Variants in MAGI1 observed in about 807,000 individuals in gnomAD.
MAGI1 encodes the protein membrane associated guanylate kinase, WW and PDZ domain containing 1.
MAGI1 carries 58 observed loss-of-function variants against 139.9 expected under a neutral mutation model. The ratio of observed to expected loss-of-function variants is 0.41; its 90% CI spans 0.34 to 0.52. The LOEUF (loss-of-function observed/expected upper bound fraction) is 0.52, where lower values mean the gene tolerates loss of function less well. MAGI1 is among the 20% of genes least tolerant of loss of function. The pLI is 0.12. For synonymous variants in MAGI1, 812 were observed against 737.9 expected (o/e 1.10, Z -1.63); for missense variants, 1,874 against 1,901.6 (o/e 0.99, Z 0.27).
intron 1 of MAGI1, among the ~76,000 whole-genome samples, chr3:65,672,568 T>C (rs780561290): frequency 7.2e-5 from 11 of 152,118 alleles, no homozygotes; most frequent in African/African-American, 1.2e-4. Context: ...ACAATCTTCA[T>C]TGAAGAGGGG....
chr3:65,379,181 GAGTC>G (rs1332778018), intron 17 of MAGI1, 76 bp downstream of exon 17: 1 of 1,597,626 alleles, frequency 6.3e-7, no homozygotes, highest in African/African-American at 1.3e-5. Context: ...CGTGAGGTCT[GAGTC>G]AGCTTTCACT....
intron 1 of MAGI1, among the ~76,000 whole-genome samples, chr3:65,974,803 A>C (rs2065186449): frequency 6.6e-6 from 1 of 152,228 alleles, no homozygotes; most frequent in Non-Finnish European, 1.5e-5. Context: ...AAGGATGACT[A>C]GGACAGAAGG....
At chr3:65,806,136 C>A (rs2040839621) in intron 1 of MAGI1, among the ~76,000 whole-genome samples, 1 of 151,714 alleles carries the variant, frequency 6.6e-6, no homozygotes, top group African/African-American at 2.4e-5. Context: ...AAATTTTTTT[C>A]AAAAATATAG....
intron 5 of MAGI1, among the ~76,000 whole-genome samples, chr3:65,463,973 TC>T (rs1437061109): frequency 2.0e-5 from 3 of 152,186 alleles, no homozygotes; most frequent in African/African-American, 7.2e-5. Context: ...AGTGGTGATA[TC>T]CCCTTTATCA....
At chr3:66,019,465 T>C (rs1432319308) in intron 1 of MAGI1, among the ~76,000 whole-genome samples, 1 of 152,236 alleles carries the variant, frequency 6.6e-6, no homozygotes, top group Non-Finnish European at 1.5e-5. Context: ...TGATCTTGAA[T>C]ACTATTTAAC....
At chr3:65,807,517 C>T (rs571480402) in intron 1 of MAGI1, among the ~76,000 whole-genome samples, 36 of 152,296 alleles carry the variant, frequency 2.4e-4, no homozygotes, top group African/African-American at 8.2e-4. Flanking sequence ...GGGACACTTT[C>T]ACACCATAGC....
intron 1 of MAGI1, chr3:65,873,835 T>C (rs2060020047): frequency 6.6e-6 from 1 of 152,098 alleles, no homozygotes; most frequent in Non-Finnish European, 1.5e-5. Context: ...ACCATATACC[T>C]AAATGTAAAA....
At chr3:65,420,673 G>A (rs954180237) in intron 12 of MAGI1, among the ~76,000 whole-genome samples, 1 of 152,008 alleles carries the variant, frequency 6.6e-6, no homozygotes, top group Non-Finnish European at 1.5e-5. Context: ...TTAAATAAAA[G>A]CACAGAACAA....
chr3:65,539,921 G>C (rs985942911), intron 2 of MAGI1, among the ~76,000 whole-genome samples: 1 of 152,122 alleles, frequency 6.6e-6, no homozygotes, highest in African/African-American at 2.4e-5. Context: ...GTTTCCAGGG[G>C]CTTTAAACAA....
rs536273174 is a variant in MAGI1, at chr3:65,665,780, G to A, written c.314-43692C>T. ...CTCAAAGTTCCTAAATTTCAACAGC[G>A]GGGCCCAGAAATCTAAATGTTTTAA... is the stretch of plus-strand genomic sequence containing the variant. On this transcript the variant is annotated intron_variant, in intron 1 of 22. Coordinates refer to ENST00000402939, the MANE Select transcript of MAGI1 (RefSeq NM_001033057.2). 9.9e-5 allele frequency among the ~76,000 whole-genome samples: 15 copies of A among 152,158 alleles called. No individual in the cohort carries two copies. In the South Asian group the frequency reaches 2.5e-3, roughly 25 times the overall value.
chr3:65,610,752 A>ATATATACT (rs201546372), intron 2 of MAGI1, among the ~76,000 whole-genome samples: 7 of 123,258 alleles, frequency 5.7e-5, no homozygotes, highest in Non-Finnish European at 1.2e-4. Context: ...GTATATATAC[A>ATATATACT]GTATATATAT....
At chr3:65,619,093 G>A (rs769859787) in intron 2 of MAGI1, among the ~76,000 whole-genome samples, 2 of 152,192 alleles carry the variant, frequency 1.3e-5, no homozygotes, top group Non-Finnish European at 1.5e-5. Flanking sequence ...AGCACTGGAT[G>A]AACACTTTAA....
chr3:65,674,113 A>C (rs2087032282), intron 1 of MAGI1, among the ~76,000 whole-genome samples: 1 of 152,216 alleles, frequency 6.6e-6, no homozygotes, highest in Admixed American at 6.5e-5. Flanking sequence ...CAGCTCAATA[A>C]GGTTAGGTCT....
At chr3:65,815,093 A>G (rs751139278) in intron 1 of MAGI1, among the ~76,000 whole-genome samples, 7 of 152,152 alleles carry the variant, frequency 4.6e-5, no homozygotes, top group Non-Finnish European at 1.0e-4. Flanking sequence ...CCCCTTCTCT[A>G]GAGGGAGGCG....
At chr3:65,984,416 G>A (rs1057148633) in intron 1 of MAGI1, among the ~76,000 whole-genome samples, 1 of 152,120 alleles carries the variant, frequency 6.6e-6, no homozygotes, top group African/African-American at 2.4e-5. Context: ...ATACTGGGAT[G>A]TAAGTGCTTC....
intron 3 of MAGI1, among the ~76,000 whole-genome samples, chr3:65,489,221 A>C (rs1297963602): frequency 2.6e-5 from 4 of 152,186 alleles, no homozygotes; most frequent in African/African-American, 9.7e-5. Flanking sequence ...AGCACCTACT[A>C]TGTGCCACAC....
intron 5 of MAGI1, 31 bp downstream of exon 5, chr3:65,470,252 A>G: frequency 6.9e-7 from 1 of 1,456,718 alleles, no homozygotes; most frequent in South Asian, 1.2e-5. Flanking sequence ...AAAGAGAGAG[A>G]GATTTAGGTA....
At chr3:65,892,247 A>G (rs2060802298) in intron 1 of MAGI1, among the ~76,000 whole-genome samples, 1 of 152,080 alleles carries the variant, frequency 6.6e-6, no homozygotes, top group African/African-American at 2.4e-5. Flanking sequence ...TAATTATGTT[A>G]CAGAAAAAGA....
At chr3:65,506,314 T>G (rs2077286976) in intron 2 of MAGI1, among the ~76,000 whole-genome samples, 1 of 152,146 alleles carries the variant, frequency 6.6e-6, no homozygotes, top group African/African-American at 2.4e-5. Flanking sequence ...TAATATGCAT[T>G]AACCATGACA....
Sources: gnomAD v4.1 joint callset for allele counts (sites outside exome capture counted in the v4.1 genomes callset) on GRCh38, gnomAD v4.1.1 for gene constraint, MANE v1.5 for transcripts, NCBI Gene and HGNC (gene_info 2026-07-23, HGNC 2026-07-21) for gene names.